The following ABTB3 variants were observed in gnomAD, a reference collection of about 807,000 sequenced individuals.
ABTB3 encodes the protein ankyrin repeat- and BTB/POZ domain-containing protein 3.
At chr12:107,644,893 A>C in the ABTB3 span, among the ~76,000 whole-genome samples, 1 of 150,936 alleles carries the variant, frequency 6.6e-6, no homozygotes, top group African/African-American at 2.5e-5. Flanking sequence ...AGCTCCATCC[A>C]TGTTGCCACC....
At chr12:107,457,569 A>G in the ABTB3 span, among the ~76,000 whole-genome samples, 1 of 152,200 alleles carries the variant, frequency 6.6e-6, no homozygotes, top group Non-Finnish European at 1.5e-5. Context: ...CACAGTGTTC[A>G]ATCTTGTTAG....
chr12:107,328,562 C>A, the ABTB3 span, among the ~76,000 whole-genome samples: 1 of 152,194 alleles, frequency 6.6e-6, no homozygotes. Context: ...ACAGGGGGAA[C>A]TACCAGTTGC....
At chr12:107,440,541 G>A in the ABTB3 span, among the ~76,000 whole-genome samples, 1 of 152,252 alleles carries the variant, frequency 6.6e-6, no homozygotes, top group East Asian at 1.9e-4. Flanking sequence ...ATTCATAGAA[G>A]TGAGCCCAGC....
At chr12:107,527,469 A>C in the ABTB3 span, among the ~76,000 whole-genome samples, 2 of 152,168 alleles carry the variant, frequency 1.3e-5, no homozygotes, top group South Asian at 2.1e-4. Context: ...ACGGGGTTTC[A>C]CCATGTTGGC....
chr12:107,615,639 G>A, the ABTB3 span, among the ~76,000 whole-genome samples: 79 of 152,320 alleles, frequency 5.2e-4, 1 homozygote, highest in East Asian at 0.011. Context: ...CCCACTTCTT[G>A]AGAATCAGGT....
chr12:107,542,227 G>T, the ABTB3 span, among the ~76,000 whole-genome samples: 2 of 151,468 alleles, frequency 1.3e-5, no homozygotes, highest in Admixed American at 1.3e-4. Flanking sequence ...CAGGAGAATT[G>T]CTTGAACCCG....
chr12:107,338,677 A>G, the ABTB3 span, among the ~76,000 whole-genome samples: 12 of 152,260 alleles, frequency 7.9e-5, no homozygotes, highest in African/African-American at 2.4e-4. Flanking sequence ...CAACTCTTGG[A>G]CATATGAAGT....
chr12:107,649,376 C>T, the ABTB3 span: 23 of 1,123,522 alleles, frequency 2.0e-5, no homozygotes, highest in African/African-American at 1.1e-4. Flanking sequence ...TGGAAGGACC[C>T]GTGTTGGGTT....
At chr12:107,470,010 T>TTCTCTCTCTCTC in the ABTB3 span, among the ~76,000 whole-genome samples, 1 of 57,122 alleles carries the variant, frequency 1.8e-5, no homozygotes, top group African/African-American at 8.0e-5. Context: ...CTTTCTTTCT[T>TTCTCTCTCTCTC]TCTCTCTCTC....
At chr12:107,581,129 C>G in the ABTB3 span, 1 of 1,546,132 alleles carries the variant, frequency 6.5e-7, no homozygotes. Flanking sequence ...ACGCGCGTCT[C>G]CGGGTCCCTC....
At chr12:107,399,895 T>G in the ABTB3 span, among the ~76,000 whole-genome samples, 2 of 152,174 alleles carry the variant, frequency 1.3e-5, no homozygotes, top group Non-Finnish European at 2.9e-5. Flanking sequence ...TGTCCATGTG[T>G]TCTCATTGTT....
At chr12:107,561,421 T>C in the ABTB3 span, among the ~76,000 whole-genome samples, 166 of 152,300 alleles carry the variant, frequency 1.1e-3, 5 homozygotes, top group East Asian at 0.028. Flanking sequence ...ATGAGAGTTA[T>C]CTGCTTTTCT....
At chr12:107,332,937 G>T in the ABTB3 span, among the ~76,000 whole-genome samples, 1 of 152,196 alleles carries the variant, frequency 6.6e-6, no homozygotes, top group Non-Finnish European at 1.5e-5. Flanking sequence ...CAATAAACTA[G>T]TTGCTATAGC....
the ABTB3 span, among the ~76,000 whole-genome samples, chr12:107,411,374 G>A: frequency 6.4e-3 from 974 of 152,294 alleles, 15 homozygotes; most frequent in African/African-American, 0.022. Context: ...CTGCCTACTC[G>A]AGACTTGATT....
chr12:107,585,796 T>A, the ABTB3 span, among the ~76,000 whole-genome samples: 48,557 of 152,038 alleles, frequency 0.32, 8,914 homozygotes, highest in African/African-American at 0.51. Flanking sequence ...ACCAAAGATG[T>A]ATGGGGTGCT....
chr12:107,459,261 C>T, the ABTB3 span, among the ~76,000 whole-genome samples: 1 of 152,162 alleles, frequency 6.6e-6, no homozygotes, highest in Non-Finnish European at 1.5e-5. Flanking sequence ...GAATCCATCC[C>T]AGAAAATCTG....
chr12:107,394,897 C>T, the ABTB3 span, among the ~76,000 whole-genome samples: 2 of 152,190 alleles, frequency 1.3e-5, no homozygotes, highest in East Asian at 1.9e-4. Context: ...GGAGAGCCAA[C>T]GGCAGCCCTG....
chr12:107,488,290 A>G, the ABTB3 span, among the ~76,000 whole-genome samples: 1 of 152,134 alleles, frequency 6.6e-6, no homozygotes, highest in South Asian at 2.1e-4. Context: ...GGTCATAGTT[A>G]TAAAAGTTGT....
the ABTB3 span, chr12:107,320,635 GGT>G: frequency 2.2e-6 from 1 of 456,006 alleles, no homozygotes; most frequent in Non-Finnish European, 4.4e-6. Flanking sequence ...CAGTCGTAAA[GGT>G]GTGTGTGGTG....
Sources: gnomAD v4.1 joint callset for allele counts (sites outside exome capture counted in the v4.1 genomes callset) on GRCh38, gnomAD v4.1.1 for gene constraint, MANE v1.5 for transcripts, NCBI Gene and HGNC (gene_info 2026-07-23, HGNC 2026-07-21) for gene names.